Variants in TRDN observed in about 807,000 individuals in gnomAD.
The protein encoded by TRDN is triadin in skeletal muscle.
Under a neutral mutation model 149.7 loss-of-function variants are expected in TRDN, and 161 were observed. The observed-to-expected ratio is 1.08, with a 90% CI of 0.95 to 1.23. The LOEUF (loss-of-function observed/expected upper bound fraction) is 1.23. Among genes scored for constraint, TRDN ranks in the 50% most tolerant of loss-of-function variants. TRDN has a pLI of 0.00. For missense variants in TRDN, 896 were observed against 823.5 expected (o/e 1.09, Z -1.08); for synonymous variants, 294 against 250.5 (o/e 1.17, Z -1.64).
chr6:123,337,355 T>C (rs1779909388), intron 22 of TRDN, among the ~76,000 whole-genome samples: 1 of 152,050 alleles, frequency 6.6e-6, no homozygotes, highest in South Asian at 2.1e-4. Flanking sequence ...ATTTTTTATC[T>C]TTTTCATTAA....
At chr6:123,252,543 A>C in intron 37 of TRDN, 108 bp from the exon 38 acceptor site, 1 of 570,146 alleles carries the variant, frequency 1.8e-6, no homozygotes, top group Non-Finnish European at 3.0e-6. Context: ...CTTGCTTATT[A>C]TTTAAGAATC....
intron 12 of TRDN, among the ~76,000 whole-genome samples, chr6:123,425,642 G>C (rs1048706745): frequency 6.6e-6 from 1 of 152,054 alleles, no homozygotes; most frequent in African/African-American, 2.4e-5. Flanking sequence ...TGAAGAAAGA[G>C]ATAGGCTGTG....
intron 1 of TRDN, among the ~76,000 whole-genome samples, chr6:123,588,057 T>G (rs1783594266): frequency 6.6e-6 from 1 of 152,092 alleles, no homozygotes; most frequent in Admixed American, 6.5e-5. Context: ...GGTAGCAGGC[T>G]TCAGAGAGAA....
At chr6:123,266,991 C>T (rs1476362128) in intron 32 of TRDN, among the ~76,000 whole-genome samples, 12 of 145,168 alleles carry the variant, frequency 8.3e-5, no homozygotes, top group Non-Finnish European at 3.0e-5. Context: ...CCTGTAGTCC[C>T]AGCTACTCGG....
At chr6:123,618,061 C>T (rs1785191955) in intron 1 of TRDN, among the ~76,000 whole-genome samples, 1 of 152,074 alleles carries the variant, frequency 6.6e-6, no homozygotes, top group African/African-American at 2.4e-5. Flanking sequence ...TTGCCATTCT[C>T]CTATGCTAAT....
At chr6:123,230,832 T>C (rs1402170877) in intron 38 of TRDN, among the ~76,000 whole-genome samples, 1 of 151,974 alleles carries the variant, frequency 6.6e-6, no homozygotes, top group African/African-American at 2.4e-5. Context: ...CCTTGAAGGT[T>C]TCCTATGATT....
intron 1 of TRDN, among the ~76,000 whole-genome samples, chr6:123,595,134 T>A (rs779639490): frequency 1.3e-5 from 2 of 152,142 alleles, no homozygotes; most frequent in Non-Finnish European, 2.9e-5. Flanking sequence ...TTATTTCTCA[T>A]GAAATTTAAA....
intron 1 of TRDN, among the ~76,000 whole-genome samples, chr6:123,618,390 ATC>A (rs1170457537): frequency 1.3e-5 from 2 of 152,072 alleles, no homozygotes; most frequent in African/African-American, 4.8e-5. Flanking sequence ...GGCTGATTGC[ATC>A]TCCCGCTGGC....
intron 1 of TRDN, among the ~76,000 whole-genome samples, chr6:123,617,831 C>A (rs142694825): frequency 1.6e-4 from 24 of 152,132 alleles, no homozygotes; most frequent in African/African-American, 5.8e-4. Context: ...CTCTGTCTCC[C>A]GGGTCCTAGT....
intron 16 of TRDN, among the ~76,000 whole-genome samples, chr6:123,380,713 G>GTTTT (rs1781680890): frequency 7.0e-6 from 1 of 142,668 alleles, no homozygotes. Flanking sequence ...TAAGTTCAAG[G>GTTTT]GTTTTTTTTT....
At chr6:123,537,235 T>A (rs939006919) in intron 4 of TRDN, among the ~76,000 whole-genome samples, 38 of 152,316 alleles carry the variant, frequency 2.5e-4, no homozygotes, top group African/African-American at 8.7e-4. Flanking sequence ...TATTATTACA[T>A]TTCTCTAGCA....
At chr6:123,475,083 T>C (rs1389122107) in intron 9 of TRDN, among the ~76,000 whole-genome samples, 2 of 148,222 alleles carry the variant, frequency 1.3e-5, no homozygotes, top group South Asian at 2.3e-4. Flanking sequence ...GAAATAGAGA[T>C]ACAAAAAACC....
At chr6:123,628,322 G>A (rs960988959) in intron 1 of TRDN, among the ~76,000 whole-genome samples, 1 of 152,024 alleles carries the variant, frequency 6.6e-6, no homozygotes, top group African/African-American at 2.4e-5. Flanking sequence ...GAACAGAAAA[G>A]CCTGAGGAGA....
chr6:123,429,441 T>A (rs1001557654), intron 12 of TRDN, among the ~76,000 whole-genome samples: 3 of 152,202 alleles, frequency 2.0e-5, no homozygotes, highest in African/African-American at 7.2e-5. Flanking sequence ...AGGCTGCAGT[T>A]GAGGGAGATA....
intron 1 of TRDN, among the ~76,000 whole-genome samples, chr6:123,595,697 C>T (rs888860533): frequency 6.6e-6 from 1 of 152,084 alleles, no homozygotes; most frequent in African/African-American, 2.4e-5. Context: ...ATTATTATTA[C>T]ATCTGTTACA....
chr6:123,527,431 C>A (rs1780003599), intron 5 of TRDN, among the ~76,000 whole-genome samples: 1 of 151,906 alleles, frequency 6.6e-6, no homozygotes, highest in Admixed American at 6.6e-5. Context: ...AACATGTGGA[C>A]CATGGGTATC....
intron 8 of TRDN, chr6:123,503,265 A>T (rs1177862780): frequency 3.9e-5 from 38 of 985,204 alleles, no homozygotes; most frequent in Non-Finnish European, 4.5e-5. Flanking sequence ...CCAATGCAAC[A>T]GTAATGTATG....
At chr6:123,449,875 A>G (rs1158545469) in intron 10 of TRDN, among the ~76,000 whole-genome samples, 2 of 152,218 alleles carry the variant, frequency 1.3e-5, no homozygotes, top group Admixed American at 6.5e-5. Flanking sequence ...ATTTCTGAGC[A>G]GAAACCTTAC....
chr6:123,518,928 A>G (rs1342396422), intron 5 of TRDN, among the ~76,000 whole-genome samples: 2 of 152,158 alleles, frequency 1.3e-5, no homozygotes, highest in East Asian at 3.9e-4. Flanking sequence ...CAATGCAACA[A>G]TCAGCAACTG....
Sources: allele counts gnomAD v4.1 joint callset (sites outside exome capture counted in the v4.1 genomes callset), GRCh38; gene constraint gnomAD v4.1.1; transcripts MANE v1.5; gene names NCBI Gene and HGNC (gene_info 2026-07-23, HGNC 2026-07-21).